Variants in AFF3 observed in about 807,000 individuals in gnomAD.
AFF3 encodes the protein ALF transcription elongation factor 3.
Under a neutral mutation model 129.7 loss-of-function variants are expected in AFF3, and 32 were observed. The observed-to-expected ratio is 0.25, with a 90% CI of 0.19 to 0.33. The LOEUF (loss-of-function observed/expected upper bound fraction) is 0.33. AFF3 is among the 10% of genes least tolerant of loss of function. The probability of loss-of-function intolerance (pLI) is 1.00; values close to 1 mark genes in which losing one functional copy is unlikely to be tolerated. For synonymous variants in AFF3, 644 were observed against 635.4 expected (o/e 1.01, Z -0.20); for missense variants, 1,373 against 1,592.0 (o/e 0.86, Z 2.34).
chr2:99,780,761 T>C (rs977605418), intron 8 of AFF3, among the ~76,000 whole-genome samples: 2 of 152,202 alleles, frequency 1.3e-5, no homozygotes, highest in South Asian at 2.1e-4. Context: ...ACCCTGAGCA[T>C]GCCATATATT....
chr2:99,593,991 G>T lies in AFF3; in HGVS notation c.1670C>A (p.Ala557Glu), dbSNP rs747342267. The change falls in exon 15 of 25, where the codon GCG becomes GAG. Residue 557 changes from alanine to glutamate, a missense_variant. Coordinates refer to ENST00000672756, the MANE Select transcript of AFF3 (RefSeq NM_001386135.1). ...QKSPPAAVAV[A>E]VSAAAPPPAV... ...GGGTGGCGGGGCGGCTGCGCTCACC[G>T]CCACGGCCACGGCCGCGGGCGGGGA... The T allele has an allele frequency of 6.5e-7, 1 of 1,533,254 alleles. No individual in the cohort carries two copies. The highest frequency in any genetic ancestry group is 8.8e-7 in the Non-Finnish European group (1 of 1,141,824). 95.0% of individuals were successfully genotyped at this position (1,533,254 alleles called of 1,614,324 possible).
chr2:99,980,935 ATTG>A (rs1347932238), intron 7 of AFF3, among the ~76,000 whole-genome samples: 1 of 152,102 alleles, frequency 6.6e-6, no homozygotes, highest in Non-Finnish European at 1.5e-5. Flanking sequence ...TCCTCTATAT[ATTG>A]TTTTTATATA....
intron 7 of AFF3, among the ~76,000 whole-genome samples, chr2:100,001,643 G>C (rs558310959): frequency 1.6e-4 from 25 of 152,306 alleles, no homozygotes; most frequent in African/African-American, 4.6e-4. Context: ...GGCCAGGATG[G>C]TCTCCATCTC....
At position 99,593,519 on chromosome 2, in the gene AFF3, G is replaced by C. The variant is rs775404307; in HGVS notation, c.2142C>G (p.Asn714Lys). 2 of 1,613,246 alleles carry C rather than the reference G, an allele frequency of 1.2e-6. No homozygotes were observed. Among genetic ancestry groups the C allele is most frequent in the South Asian group, 1.1e-5 (1 of 91,070 alleles). Residue 714 changes from asparagine to lysine, a missense_variant, in exon 15 of 25, where the codon AAC becomes AAG. Transcript: ENST00000672756. ...NDQRLKEAAA[N>K]GGSGPRAPVG... ...CAGGGGCCCTAGGACCACTGCCCCC[G>C]TTGGCAGCGGCCTCCTTCAGCCTCT...
chr2:100,040,830 C>G (rs1685364661), intron 4 of AFF3, among the ~76,000 whole-genome samples: 1 of 152,226 alleles, frequency 6.6e-6, no homozygotes, highest in Admixed American at 6.5e-5. Context: ...GGACAGATCT[C>G]TTTTAGAGGA....
At chr2:99,956,771 AC>A (rs1319556272) in intron 7 of AFF3, among the ~76,000 whole-genome samples, 2 of 152,210 alleles carry the variant, frequency 1.3e-5, no homozygotes, top group African/African-American at 4.8e-5. Context: ...GGAGTGCAGC[AC>A]TAGGTAATTC....
rs989285003 is a variant in AFF3, at chr2:99,848,496, A to C, written c.874-10972T>G. On this transcript the variant is annotated intron_variant, in intron 7 of 24. Coordinates refer to ENST00000672756, the MANE Select transcript of AFF3 (RefSeq NM_001386135.1). ...TTGGCTTCTCTCAAGAGAATATTAG[A>C]GTATAGAATTGATCATAAAGCAAAT... Among the ~76,000 whole-genome samples, 6 of 152,270 alleles carry C rather than the reference A, an allele frequency of 3.9e-5. No homozygotes were observed. In the South Asian group the frequency reaches 1.0e-3, roughly 26 times the overall value.
intron 8 of AFF3, among the ~76,000 whole-genome samples, 155 bp from the exon 9 acceptor site, chr2:99,752,456 C>T (rs1370144827): frequency 6.6e-6 from 1 of 152,152 alleles, no homozygotes; most frequent in African/African-American, 2.4e-5. Context: ...ATGTGAAATC[C>T]ACTTTTATGA....
At chr2:100,038,749 G>A (rs1247542079) in intron 4 of AFF3, among the ~76,000 whole-genome samples, 11 of 149,626 alleles carry the variant, frequency 7.4e-5, no homozygotes, top group Non-Finnish European at 1.3e-4. Flanking sequence ...TTTAGACAGA[G>A]CCTCGCTCTT....
At chr2:99,981,159 C>T (rs2104507409) in intron 7 of AFF3, among the ~76,000 whole-genome samples, 1 of 152,242 alleles carries the variant, frequency 6.6e-6, no homozygotes, top group African/African-American at 2.4e-5. Context: ...GCTGGGATTA[C>T]AGGCATGCAC....
chr2:99,865,133 G>A (rs554802323), intron 7 of AFF3, among the ~76,000 whole-genome samples: 5 of 152,324 alleles, frequency 3.3e-5, no homozygotes, highest in South Asian at 2.1e-4. Flanking sequence ...GTTAAGCAAC[G>A]GTCGGGTGAG....
chr2:99,574,446 G>A (rs923239037), intron 18 of AFF3, among the ~76,000 whole-genome samples: 5 of 152,054 alleles, frequency 3.3e-5, no homozygotes, highest in South Asian at 2.1e-4. Flanking sequence ...ATGCTAACAC[G>A]CCCGGCTGAT....
chr2:99,612,144 T>A (rs1378005143), intron 13 of AFF3, among the ~76,000 whole-genome samples: 1 of 152,216 alleles, frequency 6.6e-6, no homozygotes, highest in Non-Finnish European at 1.5e-5. Flanking sequence ...GTAACATCCA[T>A]GGAGTTTAGC....
chr2:100,016,677 C>G (rs1469443376), intron 4 of AFF3, among the ~76,000 whole-genome samples: 10 of 120,168 alleles, frequency 8.3e-5, no homozygotes, highest in Admixed American at 4.1e-4. Context: ...GGTGATGGTA[C>G]TGGCAGTGAT....
chr2:99,682,021 C>T (rs2222534), intron 11 of AFF3, among the ~76,000 whole-genome samples: 10,626 of 151,950 alleles, frequency 0.07, 435 homozygotes, highest in East Asian at 0.11. Context: ...TGCTCCCTAC[C>T]TCAGCCTCCT....
In AFF3 at chr2:100,079,649, G is replaced by GC. The variant is rs373496571; in HGVS notation, c.53+24752dup. On this transcript the variant is annotated intron_variant, in intron 4 of 24. Transcript: ENST00000672756. ...ATATGATGAACTGTACTTTCTTGTG[G>GC]CCCCCCAACAGAACTCACGCTTCCC... Among the ~76,000 whole-genome samples, 285 of 152,126 alleles carry GC rather than the reference G, an allele frequency of 1.9e-3. 3 individuals are homozygous for GC. Among genetic ancestry groups the GC allele is most frequent in the African/African-American group, 6.4e-3 (267 of 41,488 alleles).
At chr2:99,688,683 C>A (rs988644870) in intron 11 of AFF3, among the ~76,000 whole-genome samples, 1 of 152,134 alleles carries the variant, frequency 6.6e-6, no homozygotes, top group Admixed American at 6.5e-5. Context: ...TAGGATCCAG[C>A]CTCAGTTTTC....
At chr2:99,764,011 G>A (rs1256825260) in intron 8 of AFF3, among the ~76,000 whole-genome samples, 1 of 152,132 alleles carries the variant, frequency 6.6e-6, no homozygotes, top group Non-Finnish European at 1.5e-5. Flanking sequence ...ATAAAATGGG[G>A]GTAACAATCA....
At chr2:99,557,465 T>G (rs1303364483) in intron 22 of AFF3, among the ~76,000 whole-genome samples, 2 of 152,142 alleles carry the variant, frequency 1.3e-5, no homozygotes, top group Non-Finnish European at 1.5e-5. Flanking sequence ...CCATTCTGTA[T>G]GTATTAGTGG....
Sources: gnomAD v4.1 joint callset for allele counts (sites outside exome capture counted in the v4.1 genomes callset) on GRCh38, gnomAD v4.1.1 for gene constraint, MANE v1.5 for transcripts, NCBI Gene and HGNC (gene_info 2026-07-23, HGNC 2026-07-21) for gene names.